PLCB1: variants seen among roughly 807,000 people sequenced by gnomAD.
The protein encoded by PLCB1 is phospholipase C beta 1, also known as 1-phosphatidylinositol 4,5-bisphosphate phosphodiesterase beta-1.
In PLCB1, 46 loss-of-function variants were observed where a neutral mutation model predicts 161.8. The observed-to-expected ratio is 0.28, with a 90% CI of 0.22 to 0.36. The LOEUF (loss-of-function observed/expected upper bound fraction) is 0.36. Among genes scored for constraint, PLCB1 ranks in the 10% least tolerant of loss-of-function variants. The pLI is 1.00. For synonymous variants in PLCB1, 517 were observed against 503.7 expected (o/e 1.03, Z -0.35); for missense variants, 1,016 against 1,472.5 (o/e 0.69, Z 5.07).
chr20:8,540,339 A>G (rs747490238), intron 3 of PLCB1, among the ~76,000 whole-genome samples: 4 of 152,172 alleles, frequency 2.6e-5, no homozygotes, highest in Non-Finnish European at 4.4e-5. Context: ...TGAAGCGTCT[A>G]TCAGAACATC....
chr20:8,248,810 A>G (rs1480812343), intron 2 of PLCB1: 2 of 151,932 alleles, frequency 1.3e-5, no homozygotes, highest in Non-Finnish European at 2.9e-5. Context: ...TGATTAGAGT[A>G]TTAGTAGGTG....
At chr20:8,712,254 C>G (rs2123458669) in intron 12 of PLCB1, among the ~76,000 whole-genome samples, 1 of 152,164 alleles carries the variant, frequency 6.6e-6, no homozygotes, top group Admixed American at 6.5e-5. Context: ...GAGATCACGC[C>G]ACTGCACTCC....
At chr20:8,599,916 T>A (rs1987484379) in intron 3 of PLCB1, among the ~76,000 whole-genome samples, 1 of 148,350 alleles carries the variant, frequency 6.7e-6, no homozygotes, top group Non-Finnish European at 1.5e-5. Flanking sequence ...TCTGCATTCT[T>A]CATGTAGTTC....
At chr20:8,457,685 TCTC>T (rs1981377351) in intron 3 of PLCB1, among the ~76,000 whole-genome samples, 2 of 151,080 alleles carry the variant, frequency 1.3e-5, no homozygotes, top group African/African-American at 4.9e-5. Context: ...TTCAAAGTCA[TCTC>T]CTACTTATAC....
chr20:8,220,357 G>A (rs77780078), intron 2 of PLCB1, among the ~76,000 whole-genome samples: 1,851 of 152,204 alleles, frequency 0.012, 43 homozygotes, highest in African/African-American at 0.042. Flanking sequence ...ATTCACTAGG[G>A]GTTTAGTTGG....
At chr20:8,770,271 C>A (rs1180003075) in intron 26 of PLCB1, among the ~76,000 whole-genome samples, 2 of 152,152 alleles carry the variant, frequency 1.3e-5, no homozygotes, top group Admixed American at 1.3e-4. Context: ...ATTTCTTAAG[C>A]CTGGAGGATC....
chr20:8,848,027 A>G (rs1166999864), intron 31 of PLCB1, among the ~76,000 whole-genome samples: 1 of 152,204 alleles, frequency 6.6e-6, no homozygotes, highest in Admixed American at 6.5e-5. Context: ...ATGATGGAAG[A>G]CAGAAGAGCA....
At chr20:8,682,029 C>G (rs1484008436) in intron 9 of PLCB1, among the ~76,000 whole-genome samples, 2 of 151,994 alleles carry the variant, frequency 1.3e-5, no homozygotes, top group African/African-American at 4.8e-5. Context: ...GCCTTATTTT[C>G]TATTAGACGG....
intron 2 of PLCB1, among the ~76,000 whole-genome samples, chr20:8,197,165 T>A (rs1474343367): frequency 6.6e-6 from 1 of 152,156 alleles, no homozygotes; most frequent in African/African-American, 2.4e-5. Flanking sequence ...ATGATTTATA[T>A]TCCTTTGGGT....
chr20:8,466,133 A>G lies in PLCB1; in HGVS notation c.246+94683A>G, dbSNP rs536498090. ...ATGTGGCACATATACACCATGGAATACTATGCAGCCATAAAAAATGATGAG... is the reference window on the plus strand; with the variant it reads ...ATGTGGCACATATACACCATGGAATGCTATGCAGCCATAAAAAATGATGAG... On this transcript the variant is annotated intron_variant, in intron 3 of 31. Coordinates refer to ENST00000338037, the MANE Select transcript of PLCB1 (RefSeq NM_015192.4). Among the ~76,000 whole-genome samples, 20 of 151,440 alleles carry G rather than the reference A, an allele frequency of 1.3e-4. No homozygotes were observed. In the South Asian group the frequency reaches 3.8e-3, roughly 29 times the overall value.
At chr20:8,276,986 C>CTTATTA (rs59903648) in intron 2 of PLCB1, among the ~76,000 whole-genome samples, 1,159 of 93,286 alleles carry the variant, frequency 0.012, 25 homozygotes, top group East Asian at 0.031. Flanking sequence ...TCTTCTTCTT[C>CTTATTA]TTATTATTAT....
chr20:8,228,404 TCC>T (rs1417036192), intron 2 of PLCB1, among the ~76,000 whole-genome samples: 3 of 152,074 alleles, frequency 2.0e-5, no homozygotes, highest in African/African-American at 4.8e-5. Context: ...CATCCACCTA[TCC>T]TTCTGGATTG....
At chr20:8,851,284 T>C (rs1247725444) in intron 31 of PLCB1, among the ~76,000 whole-genome samples, 3 of 152,212 alleles carry the variant, frequency 2.0e-5, no homozygotes, top group African/African-American at 4.8e-5. Flanking sequence ...CTTTTCACTC[T>C]TTTTCTTTAC....
At chr20:8,829,354 C>T (rs1260533605) in intron 31 of PLCB1, among the ~76,000 whole-genome samples, 2 of 152,154 alleles carry the variant, frequency 1.3e-5, no homozygotes, top group South Asian at 2.1e-4. Context: ...AGTGTGTGCC[C>T]GCTGACCTCC....
chr20:8,532,727 G>A (rs541397656), intron 3 of PLCB1, among the ~76,000 whole-genome samples: 1 of 152,138 alleles, frequency 6.6e-6, no homozygotes, highest in Admixed American at 6.5e-5. Context: ...GGAAGGAGAA[G>A]AAATGGGCCA....
At chr20:8,759,047 G>T (rs1981883380) in intron 24 of PLCB1, among the ~76,000 whole-genome samples, 1 of 152,154 alleles carries the variant, frequency 6.6e-6, no homozygotes, top group African/African-American at 2.4e-5. Context: ...GTATTTTATT[G>T]TCATGATTCT....
chr20:8,199,655 A>G (rs1478226915), intron 2 of PLCB1, among the ~76,000 whole-genome samples: 1 of 152,088 alleles, frequency 6.6e-6, no homozygotes, highest in Non-Finnish European at 1.5e-5. Flanking sequence ...AAGGATCTTA[A>G]TGATTTTTCA....
chr20:8,221,807 G>A (rs984154602), intron 2 of PLCB1, among the ~76,000 whole-genome samples: 1 of 151,990 alleles, frequency 6.6e-6, no homozygotes, highest in African/African-American at 2.4e-5. Flanking sequence ...TATTTAAATG[G>A]GTCTGAAAAC....
chr20:8,493,152 T>C (rs1983019170), intron 3 of PLCB1, among the ~76,000 whole-genome samples: 1 of 152,126 alleles, frequency 6.6e-6, no homozygotes, highest in Non-Finnish European at 1.5e-5. Context: ...GCTCTCCCCT[T>C]TTCAAATGCC....
Sources: gnomAD v4.1 joint callset for allele counts (sites outside exome capture counted in the v4.1 genomes callset) on GRCh38, gnomAD v4.1.1 for gene constraint, MANE v1.5 for transcripts, NCBI Gene and HGNC (gene_info 2026-07-23, HGNC 2026-07-21) for gene names.